Variants in CCNYL1 observed in about 807,000 individuals in gnomAD.
CCNYL1 encodes cyclin Y like 1, also known as cyclin-Y-like protein 1.
Under a neutral mutation model 44.2 loss-of-function variants are expected in CCNYL1, and 16 were observed. That is an observed-to-expected ratio of 0.36 (90% confidence interval 0.25 to 0.55). CCNYL1 has a LOEUF of 0.55. Ranked by LOEUF, CCNYL1 falls within the 20% of genes least tolerant of loss-of-function variation. CCNYL1 has a pLI of 0.85. For missense variants in CCNYL1, 348 were observed against 451.8 expected, an observed-to-expected ratio of 0.77 and a Z score of 2.08; for synonymous variants, 159 against 163.2, an observed-to-expected ratio of 0.97 and a Z score of 0.20.
chr2:207,717,052 T>C (rs541373796), intron 1 of CCNYL1, among the ~76,000 whole-genome samples: 105 of 145,552 alleles, frequency 7.2e-4, no homozygotes, highest in Non-Finnish European at 1.3e-3. Flanking sequence ...GAGATTGCAG[T>C]GAGCCGAGAT....
chr2:207,744,975 T>A (rs2091843893), intron 7 of CCNYL1, among the ~76,000 whole-genome samples: 1 of 152,122 alleles, frequency 6.6e-6, no homozygotes, highest in Admixed American at 6.6e-5. Context: ...GGAAATGCCC[T>A]GTACAATATT....
rs189111877 is a variant in CCNYL1 at position 207,731,556 on chromosome 2, A to G, written c.331-2391A>G. Among the ~76,000 whole-genome samples, 8 of 152,054 alleles carry G rather than the reference A, an allele frequency of 5.3e-5. 1 individual carries two copies. Among genetic ancestry groups the G allele is most frequent in the African/African-American group, 1.9e-4 (8 of 41,480 alleles). On this transcript the variant is annotated intron_variant, in intron 3 of 9. Transcript: ENST00000295414. ...TATATTTTATATTATTATGTTTGTC[A>G]ATAGAGTTTGTTGAGGTTGTAAGTC...
chr2:207,750,773 G>T, intron 8 of CCNYL1, 184 bp from the exon 9 acceptor site: 1 of 527,698 alleles, frequency 1.9e-6, no homozygotes, highest in Non-Finnish European at 3.3e-6. Context: ...CAGAGTGCTG[G>T]GATGCAGAAG....
At chr2:207,745,454 T>G (rs2091847726) in intron 7 of CCNYL1, among the ~76,000 whole-genome samples, 1 of 152,216 alleles carries the variant, frequency 6.6e-6, no homozygotes, top group Non-Finnish European at 1.5e-5. Flanking sequence ...TGTTTCCCTG[T>G]GGTCTAATTA....
rs1177473771 is a variant in CCNYL1 at position 207,753,571 on chromosome 2, T to C, written c.970-17T>C. The stretch of plus-strand genomic sequence containing the variant: ...TTTTAAAATTGTACCTGTTTTCTAT[T>C]TGATTGACTTTCCTAGGCTATTTCT... On this transcript the variant is annotated splice_polypyrimidine_tract_variant and intron_variant, in intron 9 of 9. Coordinates refer to ENST00000295414, the MANE Select transcript of CCNYL1 (RefSeq NM_001330218.2). The C allele has an allele frequency of 6.5e-7, 1 of 1,544,192 alleles. No homozygotes were observed. The highest frequency in any genetic ancestry group is 1.7e-5 in the Admixed American group (1 of 57,758).
At chr2:207,722,651 A>C (rs960247376) in intron 1 of CCNYL1, among the ~76,000 whole-genome samples, 8 of 152,196 alleles carry the variant, frequency 5.3e-5, no homozygotes, top group Non-Finnish European at 1.5e-5. Context: ...GGAAGTAGTC[A>C]TGAATCCTTT....
intron 5 of CCNYL1, among the ~76,000 whole-genome samples, chr2:207,739,853 G>T (rs2091795207): frequency 6.6e-6 from 1 of 152,204 alleles, no homozygotes; most frequent in South Asian, 2.1e-4. Context: ...CTTGATTCAT[G>T]CTGAGAAGCC....
chr2:207,714,310 CTCTT>C, intron 1 of CCNYL1: 1 of 363,544 alleles, frequency 2.8e-6, no homozygotes, highest in East Asian at 9.3e-5. Context: ...ACACTTACAT[CTCTT>C]TTTTTTTTTT....
intron 3 of CCNYL1, among the ~76,000 whole-genome samples, chr2:207,728,607 C>T (rs2091698320): frequency 6.6e-6 from 1 of 152,058 alleles, no homozygotes; most frequent in South Asian, 2.1e-4. Flanking sequence ...GTATAAAATG[C>T]TAGGTTCACT....
chr2:207,734,862 T>TAA (rs1443912405), intron 4 of CCNYL1, among the ~76,000 whole-genome samples: 1 of 152,208 alleles, frequency 6.6e-6, no homozygotes, highest in Non-Finnish European at 1.5e-5. Context: ...CTCTCTCACT[T>TAA]AAAACAATAG....
chr2:207,711,847 C>A lies in CCNYL1; in HGVS notation c.-50C>A. Reference sequence around the variant, plus strand: ...GGGAGGGGGCGGCTGTTGAGGGCGGCGGAGTAGGGGGCGAGCGAAGGCGGT... The same window carrying A: ...GGGAGGGGGCGGCTGTTGAGGGCGGAGGAGTAGGGGGCGAGCGAAGGCGGT... On this transcript the variant is annotated 5_prime_UTR_variant, in exon 1 of 10. Coordinates refer to ENST00000295414, the MANE Select transcript of CCNYL1 (RefSeq NM_001330218.2). 2 of 1,265,642 alleles carry A rather than the reference C, an allele frequency of 1.6e-6. No individual in the cohort carries two copies. The highest frequency in any genetic ancestry group is 2.1e-6 in the Non-Finnish European group (2 of 974,668). The allele number at this position is 1,265,642 out of a possible 1,614,324, so 78.4% of individuals were successfully genotyped here. A position where few individuals can be genotyped will look rare whatever the true frequency, so the allele number is the denominator to read the frequency against.
chr2:207,714,393 C>A (rs2091577194), intron 1 of CCNYL1: 3 of 413,032 alleles, frequency 7.3e-6, no homozygotes, highest in South Asian at 5.3e-5. Flanking sequence ...CTGGCCTGGG[C>A]TCAAGCAGTC....
chr2:207,745,927 T>A (rs886648420), intron 7 of CCNYL1, among the ~76,000 whole-genome samples: 3 of 152,254 alleles, frequency 2.0e-5, no homozygotes, highest in African/African-American at 7.2e-5. Context: ...AAAAGATTTC[T>A]TTTTGTCTTG....
At position 207,742,261 on chromosome 2, in the gene CCNYL1, T is replaced by G. The variant is rs756126256; in HGVS notation, c.558T>G (p.Pro186=). ...KVPEEYFKHD[P]EHKFIYRFVR... The stretch of plus-strand genomic sequence containing the variant: ...CAGAGGAATACTTTAAGCATGATCC[T>G]GAGCACAAATTTATTTACAGATTTG... Residue 186 remains proline, a synonymous_variant, in exon 7 of 10, where the codon CCT becomes CCG. Transcript: ENST00000295414. The G allele has an allele frequency of 3.7e-6, 6 of 1,612,902 alleles. No homozygotes were observed. Among genetic ancestry groups the G allele is most frequent in the Non-Finnish European group, 5.1e-6 (6 of 1,179,816 alleles).
At chr2:207,718,481 CT>C in intron 1 of CCNYL1, among the ~76,000 whole-genome samples, 1 of 151,556 alleles carries the variant, frequency 6.6e-6, no homozygotes, top group East Asian at 1.9e-4. Context: ...GCCCTCCAGC[CT>C]GGGTGACAGT....
Position 207,742,205 on chromosome 2 carries a change from C to T in CCNYL1, c.520-18C>T, listed in dbSNP as rs2091817357. On this transcript the variant is annotated intron_variant, in intron 6 of 9. Coordinates refer to ENST00000295414, the MANE Select transcript of CCNYL1 (RefSeq NM_001330218.2). Reference sequence around the variant, plus strand: ...TTTTCTTCAGTGGATACTAACATTGCATCTTTTCTTCTTTCAGCGAGAAAA... The same window carrying T: ...TTTTCTTCAGTGGATACTAACATTGTATCTTTTCTTCTTTCAGCGAGAAAA... 1.3e-6 allele frequency: 2 copies of T among 1,583,588 alleles called. No individual in the cohort carries two copies. The highest frequency in any genetic ancestry group is 1.7e-6 in the Non-Finnish European group (2 of 1,168,828).
At chr2:207,730,738 A>G (rs1295959293) in intron 3 of CCNYL1, among the ~76,000 whole-genome samples, 1 of 152,232 alleles carries the variant, frequency 6.6e-6, no homozygotes, top group Non-Finnish European at 1.5e-5. Flanking sequence ...AGCCTGGGCA[A>G]CAGAGCAAGA....
At chr2:207,733,705 T>G (rs1330073496) in intron 3 of CCNYL1, among the ~76,000 whole-genome samples, 1 of 152,208 alleles carries the variant, frequency 6.6e-6, no homozygotes, top group African/African-American at 2.4e-5. Context: ...TAACAGATGC[T>G]TGCCAGGTTT....
At position 207,756,168 on chromosome 2, in the gene CCNYL1, A is replaced by G. The variant is rs1054330605; in HGVS notation, c.*2470A>G. On this transcript the variant is annotated 3_prime_UTR_variant, in exon 10 of 10. Coordinates refer to ENST00000295414, the MANE Select transcript of CCNYL1 (RefSeq NM_001330218.2). The stretch of plus-strand genomic sequence containing the variant: ...TTAAAAGCTAATAAACTCTATTTTA[A>G]TTAAAATATGGCTAGTGTGTTTGTA... 6.6e-6 allele frequency: 1 copy of G among 152,202 alleles called. No individual in the cohort carries two copies. The highest frequency in any genetic ancestry group is 2.4e-5 in the African/African-American group (1 of 41,458). 9.4% of individuals were successfully genotyped at this position (152,202 alleles called of 1,614,324 possible). A position where few individuals can be genotyped will look rare whatever the true frequency, so the allele number is the denominator to read the frequency against.
Sources: allele counts gnomAD v4.1 joint callset (sites outside exome capture counted in the v4.1 genomes callset), GRCh38; gene constraint gnomAD v4.1.1; transcripts MANE v1.5; gene names NCBI Gene and HGNC (gene_info 2026-07-23, HGNC 2026-07-21).